LRP4: variants seen among roughly 807,000 people sequenced by gnomAD.
LRP4 encodes the protein LDL receptor related protein 4.
Under a neutral mutation model 220.3 loss-of-function variants are expected in LRP4, and 95 were observed. The ratio of observed to expected loss-of-function variants is 0.43; its 90% CI spans 0.37 to 0.51. The LOEUF (loss-of-function observed/expected upper bound fraction) is 0.51. LRP4 is among the 20% of genes least tolerant of loss of function. The probability of loss-of-function intolerance (pLI) is 0.00; values close to 1 mark genes in which losing one functional copy is unlikely to be tolerated. For missense variants in LRP4, 1,925 were observed against 2,567.0 expected, an observed-to-expected ratio of 0.75 and a Z score of 5.40; for synonymous variants, 903 against 954.6, an observed-to-expected ratio of 0.95 and a Z score of 1.00.
intron 31 of LRP4, 47 bp from the exon 32 acceptor site, chr11:46,869,179 CA>C: frequency 1.3e-6 from 2 of 1,580,688 alleles, no homozygotes; most frequent in Non-Finnish European, 1.7e-6. Flanking sequence ...ATTCAGCAAG[CA>C]GACTCCTTCC....
In LRP4 at chr11:46,894,432, T is replaced by C. The variant is rs538661449; in HGVS notation, c.1540+157A>G. 1.2e-3 allele frequency among the ~76,000 whole-genome samples: 182 copies of C among 152,318 alleles called. 1 individual carries two copies. Among genetic ancestry groups the C allele is most frequent in the Non-Finnish European group, 2.2e-3 (149 of 68,036 alleles). On this transcript the variant is annotated intron_variant, in intron 12 of 37. Coordinates refer to ENST00000378623, the MANE Select transcript of LRP4 (RefSeq NM_002334.4). ...TTTGAACCTATAAAATTGATATACATTAACAAATGTTTTCTATATTAGGGC... is the reference window on the plus strand; with the variant it reads ...TTTGAACCTATAAAATTGATATACACTAACAAATGTTTTCTATATTAGGGC...
At chr11:46,889,739 C>G in intron 15 of LRP4, 1 of 834,306 alleles carries the variant, frequency 1.2e-6, no homozygotes, top group Non-Finnish European at 1.9e-6. Context: ...TAGATGGGAA[C>G]GGTGAAGTCT....
chr11:46,872,158 C>T (rs572107720), intron 30 of LRP4, among the ~76,000 whole-genome samples: 5 of 152,110 alleles, frequency 3.3e-5, no homozygotes, highest in South Asian at 2.1e-4. Context: ...TGGGAGGCTG[C>T]GGCACGAGAA....
chr11:46,878,855 C>T (rs550261069), intron 22 of LRP4, 52 bp downstream of exon 22: 1 of 1,611,930 alleles, frequency 6.2e-7, no homozygotes, highest in African/African-American at 1.3e-5. Context: ...GGAAGAGAGC[C>T]ATTGCCCCCT....
Position 46,881,718 on chromosome 11 carries a change from T to C in LRP4, c.2798A>G (p.Asp933Gly), listed in dbSNP as rs746556640. 2.5e-6 allele frequency: 4 copies of C among 1,610,976 alleles called. No individual in the cohort carries two copies. The highest frequency in any genetic ancestry group is 3.4e-6 in the Non-Finnish European group (4 of 1,179,758). The change falls in exon 20 of 38, where the codon GAT becomes GGT. Residue 933 changes from aspartate (D) to glycine (G), a missense_variant. Coordinates refer to ENST00000378623, the MANE Select transcript of LRP4 (RefSeq NM_002334.4). Reference sequence around the variant, plus strand: ...CACCCTTACCTTCCTCTTACTGCCATCCAGTCCAGCAAATTCAATTGTCTT... The same window carrying C: ...CACCCTTACCTTCCTCTTACTGCCACCCAGTCCAGCAAATTCAATTGTCTT... ...GMKTIEFAGL[D>G]GSKRKVLIGS...
intron 37 of LRP4, among the ~76,000 whole-genome samples, chr11:46,861,236 AC>A (rs1940537904): frequency 1.3e-5 from 2 of 152,076 alleles, no homozygotes; most frequent in South Asian, 4.1e-4. Context: ...TTTTTTTCAA[AC>A]ACCAACTTGA....
intron 19 of LRP4, 82 bp downstream of exon 19, chr11:46,883,789 C>A (rs1941216931): frequency 9.1e-7 from 1 of 1,094,332 alleles, no homozygotes; most frequent in Admixed American, 1.8e-5. Context: ...TCTGGTCACT[C>A]TTCCTAATCT....
At chr11:46,860,822 A>T in intron 37 of LRP4, 1 of 221,922 alleles carries the variant, frequency 4.5e-6, no homozygotes, top group Non-Finnish European at 7.6e-6. Context: ...CAGACCACTC[A>T]ATGTCTTAAT....
At position 46,886,092 on chromosome 11, in the gene LRP4, T is replaced by A; in HGVS notation, c.2505A>T (p.Ala835=). ...WVTNKLYWTD[A]GTDRIEVANT... Reference sequence around the variant, plus strand: ...AGGCCACGGCTCCCCTATGCATACCTGCATCTGTCCAGTACAGTTTGTTGG... The same window carrying A: ...AGGCCACGGCTCCCCTATGCATACCAGCATCTGTCCAGTACAGTTTGTTGG... The change falls in exon 18 of 38, where the codon GCA becomes GCT. Residue 835 remains alanine (A), a splice_region_variant and synonymous_variant. Coordinates refer to ENST00000378623, the MANE Select transcript of LRP4 (RefSeq NM_002334.4). The A allele has an allele frequency of 6.2e-7, 1 of 1,613,900 alleles. No individual in the cohort carries two copies. The highest frequency in any genetic ancestry group is 8.5e-7 in the Non-Finnish European group (1 of 1,179,908).
Position 46,909,611 on chromosome 11 carries a change from C to CAAAAAAAAAA in LRP4, c.53-6692_53-6683dup, listed in dbSNP as rs71042636. On this transcript the variant is annotated intron_variant, in intron 1 of 37. Transcript: ENST00000378623. The stretch of plus-strand genomic sequence containing the variant: ...TGGGCGACAGAGCGAGACTCCGTCT[C>CAAAAAAAAAA]AAAAAAAAAAAAAAAAAAAAAAAAA... 1.3e-4 allele frequency among the ~76,000 whole-genome samples: 6 copies of CAAAAAAAAAA among 46,100 alleles called. 2 individuals are homozygous for CAAAAAAAAAA. The highest frequency in any genetic ancestry group is 1.5e-4 in the Non-Finnish European group (4 of 27,520). 30.2% of individuals were successfully genotyped at this position (46,100 alleles called of 152,430 possible). A position where few individuals can be genotyped will look rare whatever the true frequency, so the allele number is the denominator to read the frequency against.
At chr11:46,884,465 A>C (rs1941234259) in intron 18 of LRP4, among the ~76,000 whole-genome samples, 1 of 151,760 alleles carries the variant, frequency 6.6e-6, no homozygotes, top group African/African-American at 2.4e-5. Context: ...GGCCGGGCGC[A>C]GTGGCTCACA....
chr11:46,904,468 T>A lies in LRP4; in HGVS notation c.53-1539A>T, dbSNP rs75295334. ...AGTGCAAGCATAAGGTAAAACTTCC[T>A]AGCCTGCAATGCATGGATGGATGGA... On this transcript the variant is annotated intron_variant, in intron 1 of 37. Transcript: ENST00000378623. Among the ~76,000 whole-genome samples the A allele has an allele frequency of 8.8e-4, 118 of 134,554 alleles. 1 individual carries two copies. In the East Asian group the frequency reaches 0.024, roughly 27 times the overall value. The allele number at this position is 134,554 out of a possible 152,430, so 88.3% of individuals were successfully genotyped here.
At chr11:46,897,751 GAA>G (rs1941570733) in intron 7 of LRP4, among the ~76,000 whole-genome samples, 2 of 152,352 alleles carry the variant, frequency 1.3e-5, no homozygotes, top group African/African-American at 4.8e-5. Context: ...AGAACAAAAT[GAA>G]AAGTCTCCCA....
At position 46,883,920 on chromosome 11, in the gene LRP4, A is replaced by C. The variant is rs757443033; in HGVS notation, c.2563T>G (p.Trp855Gly). 5 of 1,614,240 alleles carry C rather than the reference A, an allele frequency of 3.1e-6. No homozygotes were observed. Among genetic ancestry groups the C allele is most frequent in the Non-Finnish European group, 3.4e-6 (4 of 1,180,034 alleles). The change falls in exon 19 of 38, where the codon TGG (tryptophan) becomes GGG (glycine). Residue 855 changes from tryptophan (W) to glycine (G), a missense_variant. Physicochemically the swap from Trp to Gly is radical, Grantham distance 184 (BLOSUM62 -2). This residue lies in a region of LRP4 where 1,244 missense variants were observed against 1,624.9 expected (regional missense o/e 0.77). Coordinates refer to ENST00000378623, the MANE Select transcript of LRP4 (RefSeq NM_002334.4). ...TDGSMRTVLI[W>G]ENLDRPRDIV... ...TCCCGAGGACGATCAAGGTTCTCCC[A>C]GATGAGTACTGTTCTCATGCTGCCA...
chr11:46,869,014 A>G lies in LRP4; in HGVS notation c.4811T>C (p.Ile1604Thr), dbSNP rs756986432. ...TGTCTGCCGCTGAGGGGAAACCACG[A>G]TGATATCCATGAGTCCTTCCACATT... The part of the protein sequence containing the change: ...LANVEGLMDI[I>T]VVSPQRQTGT... The change falls in exon 32 of 38, where the codon ATC becomes ACC. Residue 1604 changes from isoleucine (I) to threonine (T), a missense_variant. Coordinates refer to ENST00000378623, the MANE Select transcript of LRP4 (RefSeq NM_002334.4). 3.1e-6 allele frequency: 5 copies of G among 1,614,022 alleles called. No homozygotes were observed. In the African/African-American group the frequency reaches 5.3e-5, roughly 17 times the overall value.
chr11:46,903,024 TGTCACCTG>T, intron 1 of LRP4, 95 bp from the exon 2 acceptor site: 1 of 1,453,280 alleles, frequency 6.9e-7, no homozygotes. Context: ...CCAGGGGCAC[TGTCACCTG>T]GAGAGTCACA....
At chr11:46,870,857 T>C (rs561922356) in intron 31 of LRP4, among the ~76,000 whole-genome samples, 1 of 152,346 alleles carries the variant, frequency 6.6e-6, no homozygotes, top group East Asian at 1.9e-4. Flanking sequence ...ATAACATGTA[T>C]GTGGTGCTTA....
intron 13 of LRP4, 25 bp downstream of exon 13, chr11:46,892,948 T>C (rs1592538926): frequency 6.2e-7 from 1 of 1,611,046 alleles, no homozygotes; most frequent in Non-Finnish European, 8.5e-7. Flanking sequence ...TGCAAGAAAG[T>C]TCGGGAGCCT....
At position 46,877,092 on chromosome 11, in the gene LRP4, C is replaced by G. The variant is rs1941039861; in HGVS notation, c.3277+107G>C. 8 of 1,342,230 alleles carry G rather than the reference C, an allele frequency of 6.0e-6. No individual in the cohort carries two copies. The South Asian group carries it at 9.4e-5, about 16-fold the overall frequency. The allele number at this position is 1,342,230 out of a possible 1,614,324, so 83.1% of individuals were successfully genotyped here. Reference sequence around the variant, plus strand: ...GGGCTATGCCAGAGGGAATGGGGAACAAACACCCTGGCTCTTGGCAGGAGA... The same window carrying G: ...GGGCTATGCCAGAGGGAATGGGGAAGAAACACCCTGGCTCTTGGCAGGAGA... On this transcript the variant is annotated intron_variant, in intron 23 of 37. Coordinates refer to ENST00000378623, the MANE Select transcript of LRP4 (RefSeq NM_002334.4).
Sources: gnomAD v4.1 joint callset for allele counts (sites outside exome capture counted in the v4.1 genomes callset) on GRCh38, gnomAD v4.1.1 for gene constraint, gnomAD v4.1.1 regional missense constraint, MANE v1.5 for transcripts, NCBI Gene and HGNC (gene_info 2026-07-23, HGNC 2026-07-21) for gene names.